COBLL1: variants seen among roughly 807,000 people sequenced by gnomAD.
COBLL1 encodes cordon-bleu protein-like 1.
Under a neutral mutation model 94.8 loss-of-function variants are expected in COBLL1, and 50 were observed. That is an observed-to-expected ratio of 0.53 (90% CI 0.42 to 0.67). COBLL1 has a LOEUF of 0.67. Ranked by LOEUF, COBLL1 falls within the 30% of genes least tolerant of loss-of-function variation. The pLI, the probability that COBLL1 is intolerant of heterozygous loss-of-function variation, is 0.00. For synonymous variants in COBLL1, 448 were observed against 473.8 expected, an observed-to-expected ratio of 0.95 and a Z score of 0.71; for missense variants, 1,362 against 1,348.7, an observed-to-expected ratio of 1.01 and a Z score of -0.15.
intron 2 of COBLL1, among the ~76,000 whole-genome samples, chr2:164,804,920 T>C (rs1684012640): frequency 6.6e-6 from 1 of 152,172 alleles, no homozygotes. Flanking sequence ...ACCTATGTTT[T>C]ATTAGTAAAG....
chr2:164,760,585 A>T (rs1200649878), intron 2 of COBLL1, among the ~76,000 whole-genome samples: 2 of 152,204 alleles, frequency 1.3e-5, no homozygotes, highest in East Asian at 1.9e-4. Context: ...TAAGGTCTGT[A>T]CCTGTGTTAA....
intron 2 of COBLL1, among the ~76,000 whole-genome samples, chr2:164,782,278 A>C (rs1438628353): frequency 6.6e-6 from 1 of 152,150 alleles, no homozygotes; most frequent in Non-Finnish European, 1.5e-5. Context: ...CCTTTAATAA[A>C]ATTACTAATG....
At chr2:164,729,874 T>A (rs753178222) in intron 4 of COBLL1, 40 bp downstream of exon 4, 15 of 1,521,266 alleles carry the variant, frequency 9.9e-6, no homozygotes, top group African/African-American at 1.4e-5. Flanking sequence ...CTGCTGATAA[T>A]GACTGAATAA....
chr2:164,726,147 G>A (rs1025598295), intron 5 of COBLL1, among the ~76,000 whole-genome samples: 3 of 152,254 alleles, frequency 2.0e-5, no homozygotes, highest in South Asian at 2.1e-4. Context: ...ACCTCAAAAT[G>A]AGGCCAGAAA....
intron 2 of COBLL1, among the ~76,000 whole-genome samples, chr2:164,784,336 G>A (rs189242185): frequency 6.6e-6 from 1 of 152,072 alleles, no homozygotes; most frequent in African/African-American, 2.4e-5. Flanking sequence ...ATCCTAGGTC[G>A]TTTTATTATT....
chr2:164,717,659 T>C (rs1449202705), intron 7 of COBLL1, among the ~76,000 whole-genome samples: 1 of 152,178 alleles, frequency 6.6e-6, no homozygotes, highest in East Asian at 1.9e-4. Flanking sequence ...GCTCAAGTGA[T>C]CCTCCCACCT....
At chr2:164,671,203 T>C (rs1051875205) in intron 1 of COBLL1, among the ~76,000 whole-genome samples, 1 of 152,182 alleles carries the variant, frequency 6.6e-6, no homozygotes, top group African/African-American at 2.4e-5. Context: ...AACCATTATA[T>C]ATGAGAAAGT....
intron 5 of COBLL1, chr2:164,722,781 G>A (rs72878835): frequency 0.018 from 3,678 of 208,048 alleles, 39 homozygotes; most frequent in South Asian, 0.029. Flanking sequence ...ACAGAGCTAC[G>A]ACACAAACTC....
chr2:164,783,283 C>T (rs959512387), intron 2 of COBLL1, among the ~76,000 whole-genome samples: 9 of 152,080 alleles, frequency 5.9e-5, no homozygotes, highest in South Asian at 2.1e-4. Context: ...TGTGGTGACA[C>T]GTGCTTGTGG....
At chr2:164,808,856 T>G (rs894530148) in intron 2 of COBLL1, among the ~76,000 whole-genome samples, 4 of 152,184 alleles carry the variant, frequency 2.6e-5, no homozygotes. Context: ...GTGAAGTTGC[T>G]TCAACCAGAA....
At chr2:164,664,819 A>G (rs1221507154) in intron 2 of COBLL1, among the ~76,000 whole-genome samples, 2 of 152,214 alleles carry the variant, frequency 1.3e-5, no homozygotes, top group Non-Finnish European at 2.9e-5. Context: ...AACCATGGTC[A>G]TTTAGTTCTC....
chr2:164,738,427 A>G (rs1686424552), intron 3 of COBLL1: 1 of 152,226 alleles, frequency 6.6e-6, no homozygotes, highest in Non-Finnish European at 1.5e-5. Context: ...TCCTTATTCT[A>G]TGTGGTTTCT....
chr2:164,706,085 T>C (rs1574444593), intron 7 of COBLL1, among the ~76,000 whole-genome samples: 1 of 152,106 alleles, frequency 6.6e-6, no homozygotes, highest in Admixed American at 6.5e-5. Context: ...GTGTCTCCAA[T>C]TTCTCTTATC....
At position 164,705,120 on chromosome 2, in the gene COBLL1, G is replaced by T; in HGVS notation, c.997-15C>A. ...TCACAGGGACTCTGGAAAACAAAATGACCAAATAAAATCCTACATTTAGAA... is the reference window on the plus strand; with the variant it reads ...TCACAGGGACTCTGGAAAACAAAATTACCAAATAAAATCCTACATTTAGAA... On this transcript the variant is annotated splice_polypyrimidine_tract_variant and intron_variant, in intron 7 of 13. Transcript: ENST00000652658. The T allele has an allele frequency of 6.7e-7, 1 of 1,490,550 alleles. No individual in the cohort carries two copies. The highest frequency in any genetic ancestry group is 1.4e-5 in the South Asian group (1 of 70,528). The allele number at this position is 1,490,550 out of a possible 1,614,324, so 92.3% of individuals were successfully genotyped here. A position where few individuals can be genotyped will look rare whatever the true frequency, so the allele number is the denominator to read the frequency against.
At position 164,700,555 on chromosome 2, in the gene COBLL1, T is replaced by C; in HGVS notation, c.1427A>G (p.Glu476Gly). The C allele has an allele frequency of 6.2e-7, 1 of 1,613,726 alleles. No homozygotes were observed. The highest frequency in any genetic ancestry group is 8.5e-7 in the Non-Finnish European group (1 of 1,179,714). ...GSGEFSQNSM[E>G]EKQETKSTDG... ...TGTGCTTTTAGTTTCTTGTTTTTCT[T>C]CCATGGAGTTTTGTGAGAACTCTCC... is the stretch of plus-strand genomic sequence containing the variant. Residue 476 changes from glutamate to glycine, a missense_variant, in exon 10 of 14, where the codon GAA (glutamate) becomes GGA (glycine). Glu to Gly is a moderately conservative substitution (Grantham distance 98, BLOSUM62 -2). Transcript: ENST00000652658.
At chr2:164,840,826 T>C (rs1380430217) in intron 2 of COBLL1, 1 of 263,314 alleles carries the variant, frequency 3.8e-6, no homozygotes, top group Non-Finnish European at 7.1e-6. Context: ...CTTACAGGTA[T>C]CGTCCACCGC....
chr2:164,695,447 C>G lies in COBLL1; in HGVS notation c.1945G>C (p.Asp649His), dbSNP rs747443638. 1.9e-6 allele frequency: 3 copies of G among 1,613,882 alleles called. No individual in the cohort carries two copies. The East Asian group carries it at 6.7e-5, about 36-fold the overall frequency. Residue 649 changes from aspartate (D) to histidine (H), a missense_variant, in exon 12 of 14, where the codon GAT (aspartate) becomes CAT (histidine). By Grantham distance (81) the Asp-to-His change is moderately conservative. Coordinates refer to ENST00000652658, the MANE Select transcript of COBLL1 (RefSeq NM_001365672.2). ...STQHSCLSSQDSVNTSREFRS... is the reference protein window; with the variant it reads ...STQHSCLSSQHSVNTSREFRS... ...AATTCCCTTGAGGTATTTACAGAAT[C>G]TTGTGAACTTAAGCATGAGTGTTGA...
intron 7 of COBLL1, 71 bp downstream of exon 7, chr2:164,722,004 T>C (rs1685467759): frequency 1.7e-6 from 2 of 1,161,558 alleles, no homozygotes; most frequent in East Asian, 2.4e-5. Context: ...AGAAAAGATG[T>C]TAGGTAAGAG....
intron 2 of COBLL1, among the ~76,000 whole-genome samples, chr2:164,797,329 T>G (rs1683516116): frequency 6.6e-6 from 1 of 152,206 alleles, no homozygotes; most frequent in Non-Finnish European, 1.5e-5. Flanking sequence ...TTAAACTACT[T>G]ACTTTTTCAC....
Sources: allele counts gnomAD v4.1 joint callset (sites outside exome capture counted in the v4.1 genomes callset), GRCh38; gene constraint gnomAD v4.1.1; transcripts MANE v1.5; gene names NCBI Gene and HGNC (gene_info 2026-07-23, HGNC 2026-07-21).